Variants in STXBP5L observed in about 807,000 individuals in gnomAD.
The protein encoded by STXBP5L is syntaxin binding protein 5L, also known as syntaxin-binding protein 5-like.
Under a neutral mutation model 144.5 loss-of-function variants are expected in STXBP5L, and 65 were observed. That is an observed-to-expected ratio of 0.45 (90% CI 0.37 to 0.55). STXBP5L has a LOEUF of 0.55. Ranked by LOEUF, STXBP5L falls within the 20% of genes least tolerant of loss-of-function variation. STXBP5L has a pLI of 0.00. For synonymous variants in STXBP5L, 505 were observed against 469.6 expected, an observed-to-expected ratio of 1.08 and a Z score of -0.97; for missense variants, 1,298 against 1,405.5, an observed-to-expected ratio of 0.92 and a Z score of 1.22.
rs907327819 is a variant in STXBP5L at position 121,306,736 on chromosome 3, C to T, written c.2111-11739C>T. ...GGGCAACAGACTAGACCAGTGAGAA[C>T]CAATGAACGAGACTGCTAAGAAGAG... is the stretch of plus-strand genomic sequence containing the variant. On this transcript the variant is annotated intron_variant, in intron 19 of 26. Coordinates refer to ENST00000471454, the MANE Select transcript of STXBP5L (RefSeq NM_001308330.2). Among the ~76,000 whole-genome samples the T allele has an allele frequency of 7.9e-5, 12 of 152,112 alleles. 1 individual carries two copies. The highest frequency in any genetic ancestry group is 1.6e-4 in the Non-Finnish European group (11 of 68,008).
At chr3:121,157,839 T>A (rs895343596) in intron 9 of STXBP5L, 69 of 574,460 alleles carry the variant, frequency 1.2e-4, no homozygotes, top group Non-Finnish European at 1.8e-4. Flanking sequence ...CCCTGTTTTG[T>A]AAGCTGTAGT....
At chr3:121,338,410 G>T (rs1214355994) in intron 20 of STXBP5L, among the ~76,000 whole-genome samples, 1 of 151,890 alleles carries the variant, frequency 6.6e-6, no homozygotes, top group East Asian at 1.9e-4. Flanking sequence ...TTGGGAGTCT[G>T]AGGCGGGTGG....
chr3:120,981,630 T>G (rs1941783262), intron 3 of STXBP5L, among the ~76,000 whole-genome samples: 1 of 152,338 alleles, frequency 6.6e-6, no homozygotes, highest in East Asian at 1.9e-4. Flanking sequence ...GTCTCTTGGA[T>G]CTTATTGAGC....
At chr3:121,022,421 A>G (rs989164033) in intron 3 of STXBP5L, among the ~76,000 whole-genome samples, 2 of 151,262 alleles carry the variant, frequency 1.3e-5, no homozygotes, top group Non-Finnish European at 1.5e-5. Flanking sequence ...CTCTAAATCA[A>G]ATCCTAATAT....
intron 15 of STXBP5L, among the ~76,000 whole-genome samples, chr3:121,253,093 T>A (rs1223162147): frequency 6.6e-6 from 1 of 152,176 alleles, no homozygotes; most frequent in Non-Finnish European, 1.5e-5. Flanking sequence ...CTTAATGATG[T>A]CTGCAATATC....
chr3:121,167,706 A>T (rs1230785757), intron 9 of STXBP5L, among the ~76,000 whole-genome samples: 1 of 152,106 alleles, frequency 6.6e-6, no homozygotes, highest in Non-Finnish European at 1.5e-5. Flanking sequence ...TAAAACCCTC[A>T]TCTCCCTGGG....
intron 4 of STXBP5L, 42 bp from the exon 5 acceptor site, chr3:121,045,393 T>G: frequency 6.5e-7 from 1 of 1,546,618 alleles, no homozygotes; most frequent in South Asian, 1.2e-5. Context: ...AAACCCTAAA[T>G]TAAGTAAATC....
chr3:121,052,551 C>T (rs557380681), intron 5 of STXBP5L, among the ~76,000 whole-genome samples: 48 of 152,344 alleles, frequency 3.2e-4, no homozygotes, highest in African/African-American at 1.1e-3. Flanking sequence ...AACAACCCTT[C>T]ATGCTAAAAA....
intron 9 of STXBP5L, among the ~76,000 whole-genome samples, chr3:121,172,764 C>A (rs2046775944): frequency 6.6e-6 from 1 of 152,114 alleles, no homozygotes; most frequent in Non-Finnish European, 1.5e-5. Flanking sequence ...ATTGTGGAAA[C>A]CCTGTGGTGA....
chr3:121,227,685 A>C (rs562274244), intron 11 of STXBP5L, among the ~76,000 whole-genome samples: 1 of 152,316 alleles, frequency 6.6e-6, no homozygotes, highest in South Asian at 2.1e-4. Flanking sequence ...AAAACCCAGA[A>C]CAATCATAGC....
At chr3:121,279,716 T>A in intron 18 of STXBP5L, 89 bp from the exon 19 acceptor site, 1 of 1,508,978 alleles carries the variant, frequency 6.6e-7, no homozygotes, top group Non-Finnish European at 9.1e-7. Context: ...CCTAAGACAT[T>A]ACTTTTCAAT....
At chr3:120,997,471 A>G (rs1182579734) in intron 3 of STXBP5L, among the ~76,000 whole-genome samples, 1 of 152,140 alleles carries the variant, frequency 6.6e-6, no homozygotes, top group Non-Finnish European at 1.5e-5. Flanking sequence ...TTGACTTTTC[A>G]ATAGCCATTC....
intron 9 of STXBP5L, among the ~76,000 whole-genome samples, chr3:121,201,921 A>T (rs2108215811): frequency 6.6e-6 from 1 of 152,184 alleles, no homozygotes; most frequent in African/African-American, 2.4e-5. Context: ...ACACCTGGCT[A>T]ATTCTTGTAT....
chr3:121,082,723 G>T (rs562283050), intron 5 of STXBP5L, among the ~76,000 whole-genome samples: 3 of 152,208 alleles, frequency 2.0e-5, no homozygotes, highest in South Asian at 2.1e-4. Flanking sequence ...TATTGTAATT[G>T]GGTTTTGAAT....
At chr3:121,332,186 C>T (rs2044341256) in intron 20 of STXBP5L, among the ~76,000 whole-genome samples, 1 of 151,202 alleles carries the variant, frequency 6.6e-6, no homozygotes. Context: ...GGCAATATGA[C>T]AAAACAAGAT....
chr3:121,189,279 A>C (rs937373747), intron 9 of STXBP5L, among the ~76,000 whole-genome samples: 2 of 152,074 alleles, frequency 1.3e-5, no homozygotes, highest in Non-Finnish European at 2.9e-5. Context: ...TGGTGTTTTA[A>C]ACATGAAGTC....
intron 20 of STXBP5L, among the ~76,000 whole-genome samples, chr3:121,330,641 C>T (rs2044293686): frequency 6.6e-6 from 1 of 152,132 alleles, no homozygotes; most frequent in Non-Finnish European, 1.5e-5. Context: ...CCATTACCAC[C>T]ACAGCTGTTG....
At chr3:121,375,027 AGGGTGGGAGGGG>A (rs2046143455) in intron 20 of STXBP5L, among the ~76,000 whole-genome samples, 1 of 1,470 alleles carries the variant, frequency 6.8e-4, no homozygotes, top group East Asian at 0.026. Flanking sequence ...GGAGGGTGGG[AGGGTGGGAGGGG>A]GAGTGAAAGA....
intron 3 of STXBP5L, among the ~76,000 whole-genome samples, chr3:120,971,786 A>G (rs1469686254): frequency 1.3e-5 from 2 of 151,488 alleles, no homozygotes; most frequent in African/African-American, 4.8e-5. Flanking sequence ...GTATGTATAT[A>G]TATATATACA....
Sources: allele counts gnomAD v4.1 joint callset (sites outside exome capture counted in the v4.1 genomes callset), GRCh38; gene constraint gnomAD v4.1.1; transcripts MANE v1.5; gene names NCBI Gene and HGNC (gene_info 2026-07-23, HGNC 2026-07-21).